BAHCC1: variants seen among roughly 807,000 people sequenced by gnomAD.
BAHCC1 encodes the protein BAH and coiled-coil domain-containing protein 1.
Under a neutral mutation model 88.2 loss-of-function variants are expected in BAHCC1, and 43 were observed. That is an observed-to-expected ratio of 0.49 (90% confidence interval 0.38 to 0.63). The LOEUF (loss-of-function observed/expected upper bound fraction) is 0.63, where lower values mean the gene tolerates loss of function less well. BAHCC1 is among the 20% of genes least tolerant of loss of function. BAHCC1 has a pLI of 0.00. For missense variants in BAHCC1, 3,023 were observed against 1,654.8 expected (o/e 1.83, Z -14.34); for synonymous variants, 1,510 against 745.5 (o/e 2.03, Z -16.71).
chr17:81,445,451 C>A lies in BAHCC1; in HGVS notation c.2933C>A (p.Pro978Gln). 1.3e-6 allele frequency: 1 copy of A among 765,352 alleles called. No homozygotes were observed. The allele number at this position is 765,352 out of a possible 1,614,324, so 47.4% of individuals were successfully genotyped here. A position where few individuals can be genotyped will look rare whatever the true frequency, so the allele number is the denominator to read the frequency against. ...HKPVALTPTA[P>Q]GAPSPAAGPT... ...CCAGTTGCCTTAACCCCCACGGCCCCGGGCGCCCCCTCACCCGCTGCAGGC... is the reference window on the plus strand; with the variant it reads ...CCAGTTGCCTTAACCCCCACGGCCCAGGGCGCCCCCTCACCCGCTGCAGGC... Residue 978 changes from proline (P) to glutamine (Q), a missense_variant, in exon 10 of 28, where the codon CCG becomes CAG. Transcript: ENST00000675386.
chr17:81,441,404 T>A (rs1190153420), intron 4 of BAHCC1, among the ~76,000 whole-genome samples: 1 of 152,200 alleles, frequency 6.6e-6, no homozygotes. Flanking sequence ...GGCTCACGCC[T>A]GTAATCCCAG....
intron 3 of BAHCC1, among the ~76,000 whole-genome samples, chr17:81,432,553 A>ACCCC (rs2064273770): frequency 9.2e-5 from 2 of 21,706 alleles, no homozygotes; most frequent in Non-Finnish European, 1.9e-4. Flanking sequence ...CACCAGGCCC[A>ACCCC]CCCTCCCTCC....
intron 10 of BAHCC1, 198 bp from the exon 11 acceptor site, chr17:81,446,838 C>T: frequency 1.5e-6 from 1 of 677,406 alleles, no homozygotes; most frequent in Non-Finnish European, 2.7e-6. Flanking sequence ...CAGGTGTGAG[C>T]TACTGCACCC....
At position 81,443,102 on chromosome 17, in the gene BAHCC1, G is replaced by T; in HGVS notation, c.1753G>T (p.Gly585Cys). The T allele has an allele frequency of 1.3e-6, 1 of 778,196 alleles. No individual in the cohort carries two copies. Among genetic ancestry groups the T allele is most frequent in the Non-Finnish European group, 2.4e-6 (1 of 417,478 alleles). The allele number at this position is 778,196 out of a possible 1,614,324, so 48.2% of individuals were successfully genotyped here. Residue 585 changes from glycine to cysteine, a missense_variant, in exon 5 of 28, where the codon GGT becomes TGT. Coordinates refer to ENST00000675386, the MANE Select transcript of BAHCC1 (RefSeq NM_001377448.1). ...CAGTGGGCCCCACCTGCCCCCATGG[G>T]GTGTCCAGGCAGGCCAGGGCACCGC... is the stretch of plus-strand genomic sequence containing the variant. ...GYSGPHLPPWGVQAGQGTAMA... is the reference protein window; with the variant it reads ...GYSGPHLPPWCVQAGQGTAMA...
rs1017531203 is a variant in BAHCC1, at chr17:81,429,461, G to A, written c.358+2482G>A. On this transcript the variant is annotated intron_variant, in intron 3 of 27. Transcript: ENST00000675386. ...GGAGCTGCCGCGCTGTGAGCTGAGCGGCAGAGGCCAGGGCCGGCGGGCCAG... is the reference window on the plus strand; with the variant it reads ...GGAGCTGCCGCGCTGTGAGCTGAGCAGCAGAGGCCAGGGCCGGCGGGCCAG... Among the ~76,000 whole-genome samples, 8 of 152,366 alleles carry A rather than the reference G, an allele frequency of 5.3e-5. No homozygotes were observed. In the South Asian group the frequency reaches 1.0e-3, roughly 20 times the overall value.
At chr17:81,407,359 G>A (rs782770348) in intron 2 of BAHCC1, 7 of 519,948 alleles carry the variant, frequency 1.3e-5, no homozygotes, top group Admixed American at 9.7e-5. Flanking sequence ...CAGCCTGCTG[G>A]CGTCTTCAAG....
chr17:81,403,152 C>T (rs955046646), intron 2 of BAHCC1, among the ~76,000 whole-genome samples: 4 of 152,142 alleles, frequency 2.6e-5, no homozygotes, highest in African/African-American at 4.8e-5. Context: ...GTGTGTGATC[C>T]GAGGCAGCCC....
At chr17:81,414,796 G>T (rs1003481584) in intron 2 of BAHCC1, among the ~76,000 whole-genome samples, 1 of 152,138 alleles carries the variant, frequency 6.6e-6, no homozygotes, top group Non-Finnish European at 1.5e-5. Flanking sequence ...TGAGGCTGGG[G>T]GCGGAGGCGG....
rs1180322589 is a variant in BAHCC1 at position 81,457,525 on chromosome 17, C to T, written c.4974C>T (p.Pro1658=). 1.1e-5 allele frequency: 8 copies of T among 753,836 alleles called. No homozygotes were observed. Among genetic ancestry groups the T allele is most frequent in the African/African-American group, 3.4e-5 (2 of 58,622 alleles). 46.7% of individuals were successfully genotyped at this position (753,836 alleles called of 1,614,324 possible). A position where few individuals can be genotyped will look rare whatever the true frequency, so the allele number is the denominator to read the frequency against. ...GASVAVLGPS[P]SSVVKMEANQ... ...GTGTGGCCGTGCTGGGGCCCTCACC[C>T]TCCTCTGTGGTCAAGATGGAGGCCA... Residue 1658 remains proline, a synonymous_variant, in exon 17 of 28, where the codon CCC becomes CCT. Coordinates refer to ENST00000675386, the MANE Select transcript of BAHCC1 (RefSeq NM_001377448.1).
intron 3 of BAHCC1, among the ~76,000 whole-genome samples, chr17:81,437,273 G>GC (rs2064349481): frequency 6.6e-6 from 1 of 152,252 alleles, no homozygotes; most frequent in Admixed American, 6.5e-5. Context: ...CAGCCGCTCG[G>GC]CCCTCACGTT....
At chr17:81,449,193 G>A (rs1256198716) in intron 11 of BAHCC1, among the ~76,000 whole-genome samples, 1 of 152,172 alleles carries the variant, frequency 6.6e-6, no homozygotes, top group Non-Finnish European at 1.5e-5. Flanking sequence ...ACTCCGGCCA[G>A]GCCAGGTGTC....
chr17:81,457,608 G>GA lies in BAHCC1; in HGVS notation c.5041+17dup, dbSNP rs1568033994. On this transcript the variant is annotated intron_variant, in intron 17 of 27. Coordinates refer to ENST00000675386, the MANE Select transcript of BAHCC1 (RefSeq NM_001377448.1). ...GGGTTGCTAGGTAACCAGGAGGGAG[G>GA]ACAGGGGTTGCTAGGTAACCAGGAG... The GA allele has an allele frequency of 5.7e-6, 4 of 704,864 alleles. No individual in the cohort carries two copies. Among genetic ancestry groups the GA allele is most frequent in the Non-Finnish European group, 7.9e-6 (3 of 379,476 alleles). The allele number at this position is 704,864 out of a possible 1,614,324, so 43.7% of individuals were successfully genotyped here.
chr17:81,428,729 C>T (rs1348487773), intron 3 of BAHCC1, among the ~76,000 whole-genome samples: 2 of 152,236 alleles, frequency 1.3e-5, no homozygotes, highest in Admixed American at 6.5e-5. Context: ...CCCACAACGG[C>T]CTCTAGACAC....
At chr17:81,419,211 C>T (rs977910716) in intron 2 of BAHCC1, among the ~76,000 whole-genome samples, 11 of 152,212 alleles carry the variant, frequency 7.2e-5, no homozygotes, top group Non-Finnish European at 1.5e-4. Context: ...CTGGTGCGGG[C>T]GGAGGTCCCA....
rs782558549 is a variant in BAHCC1 at position 81,451,838 on chromosome 17, C to T, written c.4147C>T (p.Arg1383Cys). 1 of 752,384 alleles carries T rather than the reference C, an allele frequency of 1.3e-6. No individual in the cohort carries two copies. The highest frequency in any genetic ancestry group is 2.4e-6 in the Non-Finnish European group (1 of 412,012). The allele number at this position is 752,384 out of a possible 1,614,324, so 46.6% of individuals were successfully genotyped here. ...RLTPRMQILQ[R>C]KDTWTPKTKP... ...CACCCCCCGCATGCAGATCCTGCAG[C>T]GCAAGGACACCTGGACCCCCAAGAC... The change falls in exon 12 of 28, where the codon CGC (arginine) becomes TGC (cysteine). Residue 1383 changes from arginine (R) to cysteine (C), a missense_variant. Physicochemically the swap from Arg to Cys is radical, Grantham distance 180. Coordinates refer to ENST00000675386, the MANE Select transcript of BAHCC1 (RefSeq NM_001377448.1).
At chr17:81,401,466 T>A (rs1410096068) in intron 2 of BAHCC1, 1 of 152,686 alleles carries the variant, frequency 6.5e-6, no homozygotes, top group African/African-American at 2.4e-5. Context: ...ATGGGTGATT[T>A]AAAAATATCT....
rs1555658353 is a variant in BAHCC1 at position 81,458,949 on chromosome 17, C to T, written c.5585C>T (p.Ala1862Val). 4 of 746,902 alleles carry T rather than the reference C, an allele frequency of 5.4e-6. No individual in the cohort carries two copies. The highest frequency in any genetic ancestry group is 1.0e-5 in the Non-Finnish European group (4 of 399,138). 46.3% of individuals were successfully genotyped at this position (746,902 alleles called of 1,614,324 possible). A position where few individuals can be genotyped will look rare whatever the true frequency, so the allele number is the denominator to read the frequency against. The change falls in exon 20 of 28, where the codon GCA (alanine) becomes GTA (valine). Residue 1862 changes from alanine (A) to valine (V), a missense_variant. By Grantham distance (64) the Ala-to-Val change is moderately conservative. Transcript: ENST00000675386. ...EEEEDSGPLS[A>V]EQSAALARSC... ...GAGGAGGACAGCGGCCCTCTGAGCG[C>T]AGAGCAGAGCGCCGCCCTAGGTGAG...
intron 10 of BAHCC1, 122 bp downstream of exon 10, chr17:81,445,803 G>A: frequency 4.8e-6 from 3 of 619,824 alleles, no homozygotes; most frequent in Non-Finnish European, 8.8e-6. Context: ...CCAGACCCAG[G>A]GCAGCATGGC....
rs1555659678 is a variant in BAHCC1 at position 81,462,067 on chromosome 17, G to A, written c.7383+21G>A. 1.4e-5 allele frequency: 10 copies of A among 727,164 alleles called. No homozygotes were observed. In the South Asian group the frequency reaches 1.5e-4, roughly 11 times the overall value. The allele number at this position is 727,164 out of a possible 1,614,324, so 45.0% of individuals were successfully genotyped here. A position where few individuals can be genotyped will look rare whatever the true frequency, so the allele number is the denominator to read the frequency against. ...CACAGGTAGGTCCAGCGGGAGGCGG[G>A]AGGAGCTCCTGGTTCCCAAGGAAAC... is the stretch of plus-strand genomic sequence containing the variant. On this transcript the variant is annotated intron_variant, in intron 26 of 27. Coordinates refer to ENST00000675386, the MANE Select transcript of BAHCC1 (RefSeq NM_001377448.1).
Sources: allele counts gnomAD v4.1 joint callset (sites outside exome capture counted in the v4.1 genomes callset), GRCh38; gene constraint gnomAD v4.1.1; transcripts MANE v1.5; gene names NCBI Gene and HGNC (gene_info 2026-07-23, HGNC 2026-07-21).